XRCC6: variants seen among roughly 807,000 people sequenced by gnomAD.
The protein encoded by XRCC6 is X-ray repair cross complementing 6, also known as DNA repair protein Ku70.
A neutral mutation model predicts 65.7 loss-of-function variants in XRCC6; 5 were observed. That is an observed-to-expected ratio of 0.08 (90% CI 0.04 to 0.16). The LOEUF is 0.16. Among genes scored for constraint, XRCC6 ranks in the 10% least tolerant of loss-of-function variants. The pLI is 1.00. For missense variants in XRCC6, 447 were observed against 738.1 expected (o/e 0.61, Z 4.57); for synonymous variants, 270 against 270.6 (o/e 1.00, Z 0.02).
At position 41,634,836 on chromosome 22, in the gene XRCC6, C is replaced by T. The variant is rs570368639; in HGVS notation, c.196-1277C>T. Reference sequence around the variant, plus strand: ...GGGATTATAGGCATGAGCCACCGCGCCTGGGTGAACTGATGAGCTCTTACA... The same window carrying T: ...GGGATTATAGGCATGAGCCACCGCGTCTGGGTGAACTGATGAGCTCTTACA... On this transcript the variant is annotated intron_variant, in intron 3 of 12. Transcript: ENST00000360079. Among the ~76,000 whole-genome samples, 4 of 152,242 alleles carry T rather than the reference C, an allele frequency of 2.6e-5. No individual in the cohort carries two copies. The South Asian group carries it at 8.3e-4, about 32-fold the overall frequency.
At chr22:41,621,780 G>C in intron 1 of XRCC6, 1 of 529,076 alleles carries the variant, frequency 1.9e-6, no homozygotes, top group Non-Finnish European at 3.4e-6. Flanking sequence ...GCCCTGAAAC[G>C]TGAGGGATAG....
intron 7 of XRCC6, 54 bp from the exon 8 acceptor site, chr22:41,650,669 T>C (rs1177915242): frequency 6.3e-7 from 1 of 1,575,818 alleles, no homozygotes; most frequent in Non-Finnish European, 8.7e-7. Context: ...CTTCGAGTTA[T>C]TTTGCATCTC....
At chr22:41,623,302 C>T (rs940842720) in intron 2 of XRCC6, among the ~76,000 whole-genome samples, 1 of 152,110 alleles carries the variant, frequency 6.6e-6, no homozygotes, top group African/African-American at 2.4e-5. Flanking sequence ...GTCTCAAACT[C>T]TTGGCCTCAA....
intron 3 of XRCC6, 52 bp downstream of exon 3, chr22:41,628,282 A>G: frequency 4.7e-6 from 7 of 1,491,818 alleles, no homozygotes; most frequent in Non-Finnish European, 6.5e-6. Flanking sequence ...TTGGCTGGGC[A>G]TGGTGGCGGC....
chr22:41,651,850 C>G (rs2068002453), intron 8 of XRCC6, among the ~76,000 whole-genome samples: 1 of 151,880 alleles, frequency 6.6e-6, no homozygotes, highest in African/African-American at 2.4e-5. Context: ...GTGGCGCAAT[C>G]TCGGCTCACT....
chr22:41,654,424 AC>A (rs1474111146), intron 9 of XRCC6, among the ~76,000 whole-genome samples: 12 of 152,106 alleles, frequency 7.9e-5, no homozygotes, highest in African/African-American at 2.9e-4. Flanking sequence ...AATGATCCAA[AC>A]CTAATTTCAT....
intron 2 of XRCC6, among the ~76,000 whole-genome samples, chr22:41,627,326 C>T (rs1401219736): frequency 2.0e-5 from 3 of 151,742 alleles, no homozygotes; most frequent in East Asian, 1.9e-4. Context: ...TAGGCCAGGG[C>T]GGGGTGGGGT....
chr22:41,662,641 C>T (rs765296816), intron 12 of XRCC6, among the ~76,000 whole-genome samples: 1 of 152,166 alleles, frequency 6.6e-6, no homozygotes, highest in African/African-American at 2.4e-5. Context: ...GCATTTCCAT[C>T]GTGTTCTTGT....
Position 41,636,707 on chromosome 22 carries a change from C to T in XRCC6, c.526C>T (p.His176Tyr), listed in dbSNP as rs778186685. The T allele has an allele frequency of 5.6e-6, 9 of 1,614,026 alleles. No individual in the cohort carries two copies. The African/African-American group carries it at 9.3e-5, about 17-fold the overall frequency. ...IMLFTNEDNPHGNDSAKASRA... is the reference protein window; with the variant it reads ...IMLFTNEDNPYGNDSAKASRA... Reference sequence around the variant, plus strand: ...GCTGTTCACCAATGAAGACAACCCCCATGGCAATGACAGTGCCAAAGCCAG... The same window carrying T: ...GCTGTTCACCAATGAAGACAACCCCTATGGCAATGACAGTGCCAAAGCCAG... The change falls in exon 5 of 13, where the codon CAT becomes TAT. Residue 176 changes from histidine to tyrosine, a missense_variant. By Grantham distance (83) the His-to-Tyr change is moderately conservative. This residue lies in a region of XRCC6 where 228 missense variants were observed against 307.4 expected (regional missense o/e 0.74). Transcript: ENST00000360079.
At chr22:41,639,353 T>TTTTTTTG (rs2067849018) in intron 6 of XRCC6, among the ~76,000 whole-genome samples, 1 of 130,620 alleles carries the variant, frequency 7.7e-6, no homozygotes, top group Non-Finnish European at 1.6e-5. Context: ...TTTTTTTTTT[T>TTTTTTTG]TGAGACAAAG....
chr22:41,640,302 C>A (rs975524709), intron 6 of XRCC6, among the ~76,000 whole-genome samples: 1 of 152,112 alleles, frequency 6.6e-6, no homozygotes, highest in Non-Finnish European at 1.5e-5. Context: ...GCACCCGCCA[C>A]CACGCCGAGC....
At chr22:41,638,881 G>A (rs2067842396) in intron 6 of XRCC6, among the ~76,000 whole-genome samples, 1 of 152,056 alleles carries the variant, frequency 6.6e-6, no homozygotes. Context: ...GTGGCTCTGA[G>A]TGAGTAGTGA....
intron 6 of XRCC6, among the ~76,000 whole-genome samples, chr22:41,640,812 A>G (rs1399182626): frequency 6.6e-6 from 1 of 152,132 alleles, no homozygotes; most frequent in African/African-American, 2.4e-5. Flanking sequence ...TCTACTACAC[A>G]TTTTGGTGGA....
At chr22:41,649,636 C>T (rs1027209614) in intron 7 of XRCC6, among the ~76,000 whole-genome samples, 4 of 151,694 alleles carry the variant, frequency 2.6e-5, no homozygotes, top group African/African-American at 7.3e-5. Flanking sequence ...GGGCGGATCA[C>T]GAGGTCAGGA....
At chr22:41,656,221 A>C (rs1305710440) in intron 9 of XRCC6, among the ~76,000 whole-genome samples, 2 of 151,266 alleles carry the variant, frequency 1.3e-5, no homozygotes, top group Non-Finnish European at 3.0e-5. Context: ...GTCTCAAAAA[A>C]AAAAAAAAAA....
rs369020045 is a variant in XRCC6 at position 41,646,922 on chromosome 22, T to C, written c.800T>C (p.Ile267Thr). 24 of 1,613,034 alleles carry C rather than the reference T, an allele frequency of 1.5e-5. No homozygotes were observed. The highest frequency in any genetic ancestry group is 1.6e-4 in the Middle Eastern group (1 of 6,068). ...SRLKLKLNKDIVISVGIYNLV... is the reference protein window; with the variant it reads ...SRLKLKLNKDTVISVGIYNLV... ...TTAAAGCTGAAGCTCAACAAAGATATAGTGATCTCTGTGGGCATTTATAAT... is the reference window on the plus strand; with the variant it reads ...TTAAAGCTGAAGCTCAACAAAGATACAGTGATCTCTGTGGGCATTTATAAT... The change falls in exon 7 of 13, where the codon ATA becomes ACA. Residue 267 changes from isoleucine to threonine, a missense_variant. Ile to Thr is a moderately conservative substitution (Grantham distance 89). Coordinates refer to ENST00000360079, the MANE Select transcript of XRCC6 (RefSeq NM_001469.5).
At chr22:41,643,842 G>C (rs1230091555) in intron 6 of XRCC6, among the ~76,000 whole-genome samples, 3 of 147,706 alleles carry the variant, frequency 2.0e-5, no homozygotes, top group Non-Finnish European at 4.5e-5. Context: ...AAAATTAGCT[G>C]GGCGCAGTGG....
intron 6 of XRCC6, among the ~76,000 whole-genome samples, chr22:41,643,483 A>G (rs2067899596): frequency 6.6e-6 from 1 of 152,030 alleles, no homozygotes; most frequent in Non-Finnish European, 1.5e-5. Flanking sequence ...CATCGTATAC[A>G]TTTTGATATA....
intron 3 of XRCC6, among the ~76,000 whole-genome samples, chr22:41,631,384 G>C (rs544477641): frequency 5.3e-5 from 8 of 149,954 alleles, no homozygotes; most frequent in Admixed American, 4.6e-4. Context: ...GGCGGCTCCC[G>C]GACAGAGGGG....
Sources: allele counts gnomAD v4.1 joint callset (sites outside exome capture counted in the v4.1 genomes callset), GRCh38; gene constraint gnomAD v4.1.1; regional missense constraint gnomAD v4.1.1; transcripts MANE v1.5; gene names NCBI Gene and HGNC (gene_info 2026-07-23, HGNC 2026-07-21).